OPN5: variants seen among roughly 807,000 people sequenced by gnomAD.
OPN5 encodes opsin 5.
In OPN5, 18 loss-of-function variants were observed where a neutral mutation model predicts 41.7. The observed-to-expected ratio is 0.43, with a 90% CI of 0.30 to 0.64. OPN5 has a LOEUF of 0.64. OPN5 is among the 30% of genes least tolerant of loss of function. The pLI, the probability that OPN5 is intolerant of heterozygous loss-of-function variation, is 0.13. For synonymous variants in OPN5, 178 were observed against 164.3 expected (o/e 1.08, Z -0.64); for missense variants, 318 against 434.5 (o/e 0.73, Z 2.38).
intron 4 of OPN5, among the ~76,000 whole-genome samples, chr6:47,799,947 T>C (rs1773707599): frequency 6.7e-6 from 1 of 148,256 alleles, no homozygotes. Flanking sequence ...TCAAAGTCAC[T>C]TTTTTTCCCC....
intron 2 of OPN5, among the ~76,000 whole-genome samples, chr6:47,790,816 C>T (rs1001801150): frequency 5.3e-5 from 8 of 152,122 alleles, no homozygotes; most frequent in African/African-American, 1.9e-4. Context: ...AAGGCTTTCT[C>T]TGATATATAA....
At chr6:47,804,553 G>A (rs190727638) in intron 4 of OPN5, among the ~76,000 whole-genome samples, 1 of 152,194 alleles carries the variant, frequency 6.6e-6, no homozygotes, top group Admixed American at 6.5e-5. Flanking sequence ...TCTTAAAATA[G>A]TTTTTACATT....
At chr6:47,809,454 G>A (rs1042914483) in intron 5 of OPN5, among the ~76,000 whole-genome samples, 32 of 152,214 alleles carry the variant, frequency 2.1e-4, no homozygotes, top group Middle Eastern at 3.4e-3. Context: ...TGACAAAAAG[G>A]CACAAATAAA....
At position 47,822,876 on chromosome 6, in the gene OPN5, C is replaced by A. The variant is rs1306191512; in HGVS notation, c.1057-1107C>A. Among the ~76,000 whole-genome samples the A allele has an allele frequency of 2.6e-5, 4 of 152,300 alleles. No homozygotes were observed. In the South Asian group the frequency reaches 8.3e-4, roughly 32 times the overall value. ...AAGTCCTCCAAACGACATCTTCAGT[C>A]TTCACAACTCCACAAGCTAATCTGT... is the stretch of plus-strand genomic sequence containing the variant. On this transcript the variant is annotated intron_variant, in intron 6 of 6. Coordinates refer to ENST00000371211, the Ensembl canonical transcript of OPN5.
intron 4 of OPN5, among the ~76,000 whole-genome samples, chr6:47,798,594 T>G (rs1773654687): frequency 6.6e-6 from 1 of 150,914 alleles, no homozygotes; most frequent in South Asian, 2.1e-4. Context: ...AATATTATAT[T>G]AATATGTCTA....
chr6:47,824,224 T>A (rs1422953548), exon 7 of OPN5: 2 of 562,090 alleles, frequency 3.6e-6, no homozygotes, highest in East Asian at 5.6e-5. Flanking sequence ...AACTAAAGAG[T>A]GCCAGAAACC....
chr6:47,790,149 A>G (rs1011784589), intron 2 of OPN5, among the ~76,000 whole-genome samples: 24 of 152,234 alleles, frequency 1.6e-4, no homozygotes, highest in Non-Finnish European at 5.9e-5. Context: ...GAAACAACTG[A>G]AACAGAAGGA....
intron 6 of OPN5, among the ~76,000 whole-genome samples, chr6:47,816,187 T>C (rs1762423434): frequency 6.6e-6 from 1 of 152,174 alleles, no homozygotes; most frequent in African/African-American, 2.4e-5. Context: ...TCCTCAATGT[T>C]TGGAAGATAC....
exon 2 of OPN5, chr6:47,786,598 A>G: frequency 6.2e-7 from 1 of 1,612,890 alleles, no homozygotes; most frequent in Non-Finnish European, 8.5e-7. Flanking sequence ...TGAAATAATG[A>G]CTATCAATTT....
At chr6:47,803,469 G>T (rs1006697270) in intron 4 of OPN5, among the ~76,000 whole-genome samples, 1 of 152,174 alleles carries the variant, frequency 6.6e-6, no homozygotes, top group Non-Finnish European at 1.5e-5. Flanking sequence ...TCTCCTGAAA[G>T]AGGCAGAACG....
At chr6:47,784,553 C>T (rs993545901) in intron 1 of OPN5, among the ~76,000 whole-genome samples, 7 of 152,142 alleles carry the variant, frequency 4.6e-5, no homozygotes, top group Admixed American at 3.3e-4. Flanking sequence ...CCACCTCAGC[C>T]TCCCAAAGTG....
Position 47,811,671 on chromosome 6 carries a change from T to A in OPN5, c.999-3T>A. 1.2e-6 allele frequency: 2 copies of A among 1,610,014 alleles called. No individual in the cohort carries two copies. Among genetic ancestry groups the A allele is most frequent in the South Asian group, 2.2e-5 (2 of 90,944 alleles). On this transcript the variant is annotated splice_region_variant and splice_polypyrimidine_tract_variant and intron_variant, in intron 5 of 6. Coordinates refer to ENST00000371211, the Ensembl canonical transcript of OPN5. ...AATTGCATTTTTCTTCTCCTATATC[T>A]AGGCTGCACACCGTAACCACAGTCA...
At chr6:47,807,229 T>C (rs931473081) in intron 4 of OPN5, among the ~76,000 whole-genome samples, 10 of 152,176 alleles carry the variant, frequency 6.6e-5, no homozygotes, top group African/African-American at 1.2e-4. Context: ...TTAAATAATA[T>C]TCAGCCTTGT....
intron 3 of OPN5, among the ~76,000 whole-genome samples, 200 bp downstream of exon 3, chr6:47,792,172 T>C (rs1773394773): frequency 6.6e-6 from 1 of 152,254 alleles, no homozygotes; most frequent in African/African-American, 2.4e-5. Flanking sequence ...TTTTAATACA[T>C]ATTTTATAGT....
chr6:47,807,473 C>T (rs1774018192), intron 4 of OPN5, among the ~76,000 whole-genome samples: 1 of 152,118 alleles, frequency 6.6e-6, no homozygotes, highest in Admixed American at 6.5e-5. Flanking sequence ...ATTTAAAACC[C>T]TATCGCTAAT....
At chr6:47,809,207 C>G (rs1054698745) in intron 5 of OPN5, among the ~76,000 whole-genome samples, 12 of 152,142 alleles carry the variant, frequency 7.9e-5, no homozygotes, top group Non-Finnish European at 1.3e-4. Flanking sequence ...CACCTGAATT[C>G]ATGGTCTGAG....
At chr6:47,798,277 T>C (rs1773641396) in intron 4 of OPN5, among the ~76,000 whole-genome samples, 1 of 151,958 alleles carries the variant, frequency 6.6e-6, no homozygotes, top group Non-Finnish European at 1.5e-5. Context: ...ATTCAACCCA[T>C]ATTGAAAAAT....
At chr6:47,821,108 C>A (rs1376247506) in intron 6 of OPN5, among the ~76,000 whole-genome samples, 1 of 152,128 alleles carries the variant, frequency 6.6e-6, no homozygotes, top group Admixed American at 6.5e-5. Flanking sequence ...AGAGGAGGAG[C>A]TGGCCTTGCT....
intron 6 of OPN5, 155 bp downstream of exon 6, chr6:47,811,886 C>G: frequency 2.1e-6 from 1 of 474,410 alleles, no homozygotes; most frequent in Non-Finnish European, 3.8e-6. Flanking sequence ...CTGGGAAATT[C>G]CAATGGCTAA....
Sources: allele counts gnomAD v4.1 joint callset (sites outside exome capture counted in the v4.1 genomes callset), GRCh38; gene constraint gnomAD v4.1.1; transcripts MANE v1.5; gene names NCBI Gene and HGNC (gene_info 2026-07-23, HGNC 2026-07-21).